RCN3: variants seen among roughly 807,000 people sequenced by gnomAD.
RCN3 encodes reticulocalbin-3.
RCN3 carries 41 observed loss-of-function variants against 35.9 expected under a neutral mutation model. That is an observed-to-expected ratio of 1.14 (90% CI 0.89 to 1.48). The LOEUF is 1.48. Ranked by LOEUF, RCN3 falls within the 40% of genes most tolerant of loss-of-function variation. The probability of loss-of-function intolerance (pLI) is 0.00; values close to 1 mark genes in which losing one functional copy is unlikely to be tolerated. For missense variants in RCN3, 451 were observed against 471.3 expected, an observed-to-expected ratio of 0.96 and a Z score of 0.40; for synonymous variants, 187 against 193.4, an observed-to-expected ratio of 0.97 and a Z score of 0.27.
chr19:49,529,074 G>A (rs896285810), intron 2 of RCN3, among the ~76,000 whole-genome samples: 12 of 152,022 alleles, frequency 7.9e-5, no homozygotes, highest in African/African-American at 1.9e-4. Context: ...CCAGCTACTC[G>A]GGAGGCTGAG....
chr19:49,534,538 G>T, intron 3 of RCN3, 143 bp downstream of exon 3: 1 of 743,040 alleles, frequency 1.3e-6, no homozygotes, highest in African/African-American at 1.9e-5. Context: ...GCCCATAACT[G>T]TGAGATCTTC....
chr19:49,528,186 T>C, intron 1 of RCN3, 128 bp downstream of exon 1: 1 of 384,464 alleles, frequency 2.6e-6, no homozygotes, highest in Non-Finnish European at 4.6e-6. Context: ...CCCTGCACCT[T>C]GCGTGGGATG....
At chr19:49,539,718 ATTTTTTTT>A (rs58021494) in intron 5 of RCN3, among the ~76,000 whole-genome samples, 17 of 119,198 alleles carry the variant, frequency 1.4e-4, no homozygotes, top group Admixed American at 2.6e-4. Context: ...CTAACAAGGA[ATTTTTTTT>A]TTTTTTTTTT....
At chr19:49,531,828 T>C (rs2080109260) in intron 2 of RCN3, among the ~76,000 whole-genome samples, 1 of 152,186 alleles carries the variant, frequency 6.6e-6, no homozygotes, top group Admixed American at 6.6e-5. Context: ...TGAGACGCAG[T>C]CTCGCTCTGT....
At chr19:49,537,274 G>C (rs1157202147) in intron 4 of RCN3, 69 bp downstream of exon 4, 2 of 1,404,896 alleles carry the variant, frequency 1.4e-6, no homozygotes, top group African/African-American at 3.0e-5. Flanking sequence ...TTCAGGTCCT[G>C]CTTCCCAGCA....
intron 3 of RCN3, among the ~76,000 whole-genome samples, chr19:49,536,356 A>AATG (rs1369627725): frequency 1.4e-5 from 2 of 138,158 alleles, no homozygotes; most frequent in African/African-American, 5.6e-5. Context: ...GCTGCAGTGC[A>AATG]ATGGCAAGGT....
intron 2 of RCN3, 52 bp downstream of exon 2, chr19:49,528,766 G>A: frequency 6.8e-7 from 1 of 1,464,744 alleles, no homozygotes; most frequent in Non-Finnish European, 9.1e-7. Context: ...TTAGGAGAGA[G>A]ACGCGGGGGT....
At chr19:49,534,079 C>A in intron 2 of RCN3, 114 bp from the exon 3 acceptor site, 2 of 1,091,462 alleles carry the variant, frequency 1.8e-6, no homozygotes, top group Non-Finnish European at 2.5e-6. Flanking sequence ...GCCCGCGGAC[C>A]GTGGACTGTA....
intron 4 of RCN3, 77 bp downstream of exon 4, chr19:49,537,282 G>A: frequency 7.4e-7 from 1 of 1,356,110 alleles, no homozygotes; most frequent in Non-Finnish European, 9.7e-7. Flanking sequence ...CTGCTTCCCA[G>A]CACCGACCTG....
chr19:49,539,614 G>GA (rs927620384), intron 5 of RCN3, among the ~76,000 whole-genome samples: 4 of 151,512 alleles, frequency 2.6e-5, no homozygotes, highest in African/African-American at 9.7e-5. Context: ...GGATGTTGGG[G>GA]GATCCTCACA....
intron 2 of RCN3, among the ~76,000 whole-genome samples, chr19:49,530,234 C>T (rs1371079588): frequency 6.6e-6 from 1 of 150,932 alleles, no homozygotes; most frequent in Admixed American, 6.6e-5. Flanking sequence ...GATCTCAGCT[C>T]ATGCAACCTC....
chr19:49,539,557 G>A (rs2122736897), intron 5 of RCN3, among the ~76,000 whole-genome samples: 1 of 152,088 alleles, frequency 6.6e-6, no homozygotes, highest in Middle Eastern at 3.4e-3. Flanking sequence ...TCAGGAAGCT[G>A]GTCTTGAACC....
chr19:49,542,802 G>T, intron 6 of RCN3, 50 bp downstream of exon 6: 6 of 1,503,368 alleles, frequency 4.0e-6, no homozygotes, highest in Non-Finnish European at 4.5e-6. Flanking sequence ...GGCATTGCGG[G>T]CCAGACTCCA....
chr19:49,532,163 C>A (rs1413434010), intron 2 of RCN3, among the ~76,000 whole-genome samples: 2 of 118,314 alleles, frequency 1.7e-5, no homozygotes, highest in Non-Finnish European at 3.4e-5. Context: ...TGGAGTGCAA[C>A]GGCGCGATCT....
chr19:49,542,794 C>A, intron 6 of RCN3, 42 bp downstream of exon 6: 1 of 1,516,610 alleles, frequency 6.6e-7, no homozygotes, highest in Non-Finnish European at 8.9e-7. Context: ...AGCGGGTGGG[C>A]ATTGCGGGCC....
chr19:49,538,522 G>A (rs889390687), intron 4 of RCN3, among the ~76,000 whole-genome samples: 1 of 151,544 alleles, frequency 6.6e-6, no homozygotes, highest in African/African-American at 2.4e-5. Flanking sequence ...ATGTTGCCCA[G>A]GCTAGTCTCA....
At chr19:49,531,294 A>G (rs1391562257) in intron 2 of RCN3, among the ~76,000 whole-genome samples, 1 of 152,116 alleles carries the variant, frequency 6.6e-6, no homozygotes, top group Non-Finnish European at 1.5e-5. Flanking sequence ...ACTCCAGCCT[A>G]AGCAACAGAG....
In RCN3 at chr19:49,534,242, T is replaced by C. The variant is rs1034385532; in HGVS notation, c.292T>C (p.Ser98Pro). The change falls in exon 3 of 7, where the codon TCG becomes CCG. Residue 98 changes from serine to proline, a missense_variant. Physicochemically the swap from Ser to Pro is moderately conservative, Grantham distance 74. Coordinates refer to ENST00000270645, the MANE Select transcript of RCN3 (RefSeq NM_020650.3). ...CGCGGGGGACGGCGACGGCTGGGTG[T>C]CGCTGGCCGAGCTTCGCGCGTGGAT... ...DRAGDGDGWVSLAELRAWIAH... is the reference protein window; with the variant it reads ...DRAGDGDGWVPLAELRAWIAH... 3.1e-5 allele frequency: 45 copies of C among 1,473,168 alleles called. No individual in the cohort carries two copies. Among genetic ancestry groups the C allele is most frequent in the Non-Finnish European group, 3.9e-5 (44 of 1,117,282 alleles). The allele number at this position is 1,473,168 out of a possible 1,614,324, so 91.3% of individuals were successfully genotyped here. A position where few individuals can be genotyped will look rare whatever the true frequency, so the allele number is the denominator to read the frequency against.
intron 2 of RCN3, among the ~76,000 whole-genome samples, chr19:49,530,014 TGATCTCGGCTCAGTG>T (rs2080100741): frequency 6.6e-6 from 1 of 151,806 alleles, no homozygotes; most frequent in East Asian, 1.9e-4. Flanking sequence ...TGCAGTGACG[TGATCTCGGCTCAGTG>T]GAACCTCCGC....
Sources: allele counts gnomAD v4.1 joint callset (sites outside exome capture counted in the v4.1 genomes callset), GRCh38; gene constraint gnomAD v4.1.1; transcripts MANE v1.5; gene names NCBI Gene and HGNC (gene_info 2026-07-23, HGNC 2026-07-21).